TP53BP1: variants seen among roughly 807,000 people sequenced by gnomAD.
The protein encoded by TP53BP1 is tumor protein p53 binding protein 1.
TP53BP1 carries 61 observed loss-of-function variants against 200.8 expected under a neutral mutation model. The observed-to-expected ratio is 0.30, with a 90% CI of 0.25 to 0.38. The LOEUF (loss-of-function observed/expected upper bound fraction) is 0.38, where lower values mean the gene tolerates loss of function less well. TP53BP1 is among the 10% of genes least tolerant of loss of function. TP53BP1 has a pLI of 1.00. For missense variants in TP53BP1, 2,144 were observed against 2,371.9 expected, an observed-to-expected ratio of 0.90 and a Z score of 2.00; for synonymous variants, 822 against 844.3, an observed-to-expected ratio of 0.97 and a Z score of 0.46.
chr15:43,479,079 G>C (rs1185422491), intron 7 of TP53BP1, among the ~76,000 whole-genome samples: 1 of 152,106 alleles, frequency 6.6e-6, no homozygotes, highest in East Asian at 1.9e-4. Context: ...AACAAAAAAA[G>C]GTCTTTGTAG....
chr15:43,425,611 C>A (rs1250026887), intron 18 of TP53BP1, among the ~76,000 whole-genome samples: 1 of 152,044 alleles, frequency 6.6e-6, no homozygotes, highest in African/African-American at 2.4e-5. Context: ...AAGAGCGAGA[C>A]CCTGTCTCCA....
intron 5 of TP53BP1, 132 bp from the exon 6 acceptor site, chr15:43,480,149 A>G (rs1230858614): frequency 4.0e-6 from 3 of 753,678 alleles, no homozygotes; most frequent in Non-Finnish European, 6.3e-6. Context: ...AAATTTTTCA[A>G]AAATAAAAAA....
chr15:43,434,697 T>C (rs2045749897), intron 16 of TP53BP1, among the ~76,000 whole-genome samples: 1 of 152,230 alleles, frequency 6.6e-6, no homozygotes, highest in South Asian at 2.1e-4. Context: ...GCCAGTGCTT[T>C]GATCTAGAAC....
chr15:43,479,472 C>A lies in TP53BP1; in HGVS notation c.713G>T (p.Ser238Ile). The change falls in exon 7 of 28, where the codon AGC (serine) becomes ATC (isoleucine). Residue 238 changes from serine to isoleucine, a missense_variant. Ser to Ile is a moderately radical substitution (Grantham distance 142). Coordinates refer to ENST00000382044, the MANE Select transcript of TP53BP1 (RefSeq NM_001141980.3). ...NEDIPIAEQS[S>I]KDIPVTAQPS... ...CTGTGCTGTCACAGGGATGTCCTTG[C>A]TGGACTGTTCTGCTATGGGGATATC... is the stretch of plus-strand genomic sequence containing the variant. The A allele has an allele frequency of 6.2e-7, 1 of 1,613,850 alleles. No homozygotes were observed. The highest frequency in any genetic ancestry group is 8.5e-7 in the Non-Finnish European group (1 of 1,179,894).
At chr15:43,492,195 G>A (rs1210234711) in intron 2 of TP53BP1, 89 bp downstream of exon 2, 13 of 1,500,514 alleles carry the variant, frequency 8.7e-6, no homozygotes, top group Non-Finnish European at 9.2e-6. Context: ...TTATTGAGAA[G>A]GTAATGATCT....
chr15:43,496,833 G>A (rs761585466), upstream of TP53BP1, among the ~76,000 whole-genome samples: 31 of 152,172 alleles, frequency 2.0e-4, no homozygotes, highest in Admixed American at 1.8e-3. Context: ...TGTTGGTCAA[G>A]CAGGTCTCGA....
At chr15:43,497,749 T>C (rs924090926), upstream of TP53BP1, among the ~76,000 whole-genome samples, 5 of 152,306 alleles carry the variant, frequency 3.3e-5, no homozygotes, top group Non-Finnish European at 5.9e-5. Context: ...AATTTATTGT[T>C]TAATGATTTA....
intron 11 of TP53BP1, among the ~76,000 whole-genome samples, chr15:43,469,165 T>A (rs182360062): frequency 4.6e-5 from 7 of 152,180 alleles, no homozygotes; most frequent in Non-Finnish European, 8.8e-5. Context: ...GATTTTCAAC[T>A]CAGTATGAAA....
chr15:43,467,655 C>G (rs1260030862), intron 11 of TP53BP1, among the ~76,000 whole-genome samples: 1 of 152,174 alleles, frequency 6.6e-6, no homozygotes, highest in Non-Finnish European at 1.5e-5. Context: ...CCCCAACCAG[C>G]AGGAATACCT....
intron 11 of TP53BP1, among the ~76,000 whole-genome samples, chr15:43,462,016 T>C (rs2046445882): frequency 6.6e-6 from 1 of 151,636 alleles, no homozygotes; most frequent in Non-Finnish European, 1.5e-5. Context: ...CATGTAATTT[T>C]AGTTAATAAA....
intron 8 of TP53BP1, 36 bp from the exon 9 acceptor site, chr15:43,475,730 T>C: frequency 1.9e-6 from 3 of 1,611,984 alleles, no homozygotes; most frequent in Non-Finnish European, 2.5e-6. Context: ...CTTCTCAGAT[T>C]GACACTACTG....
chr15:43,448,812 T>C (rs893106363), intron 12 of TP53BP1, among the ~76,000 whole-genome samples: 1 of 152,142 alleles, frequency 6.6e-6, no homozygotes, highest in East Asian at 1.9e-4. Flanking sequence ...AGGATTAAAG[T>C]ACATATGCTC....
chr15:43,479,785 T>C, intron 6 of TP53BP1, 74 bp downstream of exon 6: 1 of 1,553,510 alleles, frequency 6.4e-7, no homozygotes, highest in Non-Finnish European at 8.8e-7. Context: ...GCAAAACTTA[T>C]CAAAGAAAAA....
intron 16 of TP53BP1, among the ~76,000 whole-genome samples, chr15:43,433,558 G>A (rs1360579696): frequency 1.3e-5 from 2 of 152,178 alleles, no homozygotes; most frequent in African/African-American, 4.8e-5. Flanking sequence ...CTTAATACAT[G>A]TACTTTGAAC....
At chr15:43,493,541 AAAG>A (rs1368388830), upstream of TP53BP1, among the ~76,000 whole-genome samples, 1 of 140,982 alleles carries the variant, frequency 7.1e-6, no homozygotes, top group Non-Finnish European at 1.5e-5. Flanking sequence ...ATAACAGGGC[AAAG>A]AAGAAGCGGC....
At chr15:43,505,569 A>G (rs561877734) in intron 1 of TP53BP1, among the ~76,000 whole-genome samples, 1 of 152,284 alleles carries the variant, frequency 6.6e-6, no homozygotes, top group Admixed American at 6.5e-5. Context: ...AAATTTCTTC[A>G]TTGTCCTTTG....
intron 4 of TP53BP1, among the ~76,000 whole-genome samples, chr15:43,482,798 C>A (rs2078992697): frequency 6.6e-6 from 1 of 151,956 alleles, no homozygotes; most frequent in Admixed American, 6.6e-5. Flanking sequence ...AGTGTGGTGT[C>A]ATGTGCCTGT....
intron 24 of TP53BP1, among the ~76,000 whole-genome samples, chr15:43,412,301 C>G (rs924076529): frequency 5.9e-5 from 9 of 152,330 alleles, no homozygotes; most frequent in Middle Eastern, 3.4e-3. Flanking sequence ...TTATGACAAC[C>G]ATGTTGCCTA....
chr15:43,466,879 T>C (rs2046593730), intron 11 of TP53BP1, among the ~76,000 whole-genome samples: 1 of 152,010 alleles, frequency 6.6e-6, no homozygotes, highest in Non-Finnish European at 1.5e-5. Flanking sequence ...AATATAATCA[T>C]GCTATGTAGA....
Sources: gnomAD v4.1 joint callset for allele counts (sites outside exome capture counted in the v4.1 genomes callset) on GRCh38, gnomAD v4.1.1 for gene constraint, MANE v1.5 for transcripts, NCBI Gene and HGNC (gene_info 2026-07-23, HGNC 2026-07-21) for gene names.